Variants in RBM47 observed in about 807,000 individuals in gnomAD.
RBM47 encodes the protein RNA-binding protein 47.
A neutral mutation model predicts 47.1 loss-of-function variants in RBM47; 21 were observed. The ratio of observed to expected loss-of-function variants is 0.45; its 90% CI spans 0.32 to 0.64. The LOEUF (loss-of-function observed/expected upper bound fraction) is 0.64, where lower values mean the gene tolerates loss of function less well. Ranked by LOEUF, RBM47 falls within the 30% of genes least tolerant of loss-of-function variation. The probability of loss-of-function intolerance (pLI) is 0.05; values close to 1 mark genes in which losing one functional copy is unlikely to be tolerated. For missense variants in RBM47, 708 were observed against 870.9 expected, an observed-to-expected ratio of 0.81 and a Z score of 2.35; for synonymous variants, 375 against 361.7, an observed-to-expected ratio of 1.04 and a Z score of -0.42.
chr4:40,508,726 T>C (rs1460992738), intron 2 of RBM47, among the ~76,000 whole-genome samples: 1 of 152,190 alleles, frequency 6.6e-6, no homozygotes, highest in Non-Finnish European at 1.5e-5. Flanking sequence ...ACGACGATAC[T>C]GAGATGCTGA....
intron 2 of RBM47, among the ~76,000 whole-genome samples, chr4:40,542,343 C>A (rs930533944): frequency 1.3e-5 from 2 of 152,122 alleles, no homozygotes; most frequent in African/African-American, 4.8e-5. Context: ...CCAACACTCT[C>A]TCCATACTGG....
chr4:40,488,488 C>T (rs1473922811), intron 2 of RBM47, among the ~76,000 whole-genome samples: 16 of 152,196 alleles, frequency 1.1e-4, no homozygotes, highest in Admixed American at 9.8e-4. Context: ...CTCATACCTT[C>T]ATTTGTTCTC....
At chr4:40,618,325 C>G (rs141810857) in intron 1 of RBM47, among the ~76,000 whole-genome samples, 76 of 152,214 alleles carry the variant, frequency 5.0e-4, no homozygotes, top group Non-Finnish European at 8.5e-4. Flanking sequence ...ACCCAGGAGG[C>G]TGAGGCAGGA....
At chr4:40,555,361 C>G (rs774121661) in intron 1 of RBM47, among the ~76,000 whole-genome samples, 4 of 152,204 alleles carry the variant, frequency 2.6e-5, no homozygotes, top group African/African-American at 4.8e-5. Context: ...GTCACCGCAC[C>G]CAGCCCCTGA....
At chr4:40,443,857 G>A (rs1714088126) in intron 3 of RBM47, among the ~76,000 whole-genome samples, 1 of 149,328 alleles carries the variant, frequency 6.7e-6, no homozygotes, top group Admixed American at 6.7e-5. Flanking sequence ...ATTATATGGT[G>A]TGCTACTCTA....
At chr4:40,593,739 C>T (rs1239725260) in intron 1 of RBM47, among the ~76,000 whole-genome samples, 2 of 152,080 alleles carry the variant, frequency 1.3e-5, no homozygotes, top group Non-Finnish European at 2.9e-5. Context: ...ACAAAATTAG[C>T]TGGGCGTGGT....
chr4:40,576,302 T>C (rs1732327514), intron 1 of RBM47, among the ~76,000 whole-genome samples: 1 of 150,590 alleles, frequency 6.6e-6, no homozygotes, highest in Admixed American at 6.6e-5. Flanking sequence ...CACAATCATA[T>C]TTATGCCTGA....
intron 2 of RBM47, among the ~76,000 whole-genome samples, chr4:40,492,883 C>T (rs1722076948): frequency 6.6e-6 from 1 of 152,116 alleles, no homozygotes; most frequent in Non-Finnish European, 1.5e-5. Flanking sequence ...AATTAGCCTC[C>T]CTTCCCAGCC....
intron 1 of RBM47, among the ~76,000 whole-genome samples, chr4:40,627,947 G>A (rs998945481): frequency 5.3e-5 from 8 of 152,084 alleles, no homozygotes; most frequent in Non-Finnish European, 8.8e-5. Flanking sequence ...TTCTGTAAAC[G>A]CAAAAACCAA....
At chr4:40,445,627 AATTGAGGT>A in intron 3 of RBM47, among the ~76,000 whole-genome samples, 1 of 152,328 alleles carries the variant, frequency 6.6e-6, no homozygotes, top group East Asian at 1.9e-4. Flanking sequence ...AATAGGTGAG[AATTGAGGT>A]ATTTGTACTC....
chr4:40,526,630 G>A (rs1192838296), intron 2 of RBM47, among the ~76,000 whole-genome samples: 1 of 151,920 alleles, frequency 6.6e-6, no homozygotes, highest in Non-Finnish European at 1.5e-5. Flanking sequence ...CTGGAGTACA[G>A]TGGTGCCATA....
chr4:40,453,327 G>A (rs1013892672), intron 3 of RBM47, among the ~76,000 whole-genome samples: 1 of 152,172 alleles, frequency 6.6e-6, no homozygotes, highest in Non-Finnish European at 1.5e-5. Flanking sequence ...CAGTGGCTTA[G>A]TAAAGTGCAC....
chr4:40,603,023 T>TA (rs1422113713), intron 1 of RBM47, among the ~76,000 whole-genome samples: 18 of 151,838 alleles, frequency 1.2e-4, no homozygotes, highest in Non-Finnish European at 1.9e-4. Flanking sequence ...ATCCCATCTT[T>TA]AAAAAAAAAT....
At chr4:40,436,075 G>C (rs548456993) in intron 5 of RBM47, among the ~76,000 whole-genome samples, 6 of 150,664 alleles carry the variant, frequency 4.0e-5, no homozygotes, top group African/African-American at 1.5e-4. Flanking sequence ...TGGAGGCTGA[G>C]ATAGGAGAAT....
At chr4:40,476,798 G>C (rs1719667500) in intron 2 of RBM47, among the ~76,000 whole-genome samples, 1 of 152,164 alleles carries the variant, frequency 6.6e-6, no homozygotes, top group Admixed American at 6.6e-5. Context: ...AGCACATCAA[G>C]AGAGGAAGGA....
chr4:40,600,642 A>AG (rs398107237), intron 1 of RBM47, among the ~76,000 whole-genome samples: 31 of 147,094 alleles, frequency 2.1e-4, no homozygotes, highest in Non-Finnish European at 3.9e-4. Flanking sequence ...TCAAAAAAAA[A>AG]GAAAAGCAAG....
At chr4:40,504,560 C>T (rs1386485167) in intron 2 of RBM47, among the ~76,000 whole-genome samples, 4 of 151,968 alleles carry the variant, frequency 2.6e-5, no homozygotes, top group Admixed American at 6.6e-5. Flanking sequence ...TCCAAAGTGC[C>T]GGGATTACAG....
At position 40,423,666 on chromosome 4, in the gene RBM47, TTCTTTCTTTCTTTCTTTC is replaced by T. The variant is rs1473973527; in HGVS notation, c.*2220_*2237del. 3.3e-5 allele frequency: 3 copies of T among 90,784 alleles called. No individual in the cohort carries two copies. The highest frequency in any genetic ancestry group is 1.7e-4 in the African/African-American group (3 of 17,294). 5.6% of individuals were successfully genotyped at this position (90,784 alleles called of 1,614,324 possible). On this transcript the variant is annotated 3_prime_UTR_variant, in exon 7 of 7. Coordinates refer to ENST00000295971, the MANE Select transcript of RBM47 (RefSeq NM_001098634.2). ...TCTTTCTTTCTTTTTCTTTCTTTCT[TTCTTTCTTTCTTTCTTTC>T]TTTCTTTCTTTCTTTCTTTCTTTCT...
intron 1 of RBM47, among the ~76,000 whole-genome samples, chr4:40,575,227 C>A (rs925070208): frequency 3.9e-5 from 6 of 152,072 alleles, no homozygotes; most frequent in African/African-American, 1.4e-4. Flanking sequence ...CTGTAATTCA[C>A]AAAGGGAATG....
Sources: gnomAD v4.1 joint callset for allele counts (sites outside exome capture counted in the v4.1 genomes callset) on GRCh38, gnomAD v4.1.1 for gene constraint, MANE v1.5 for transcripts, NCBI Gene and HGNC (gene_info 2026-07-23, HGNC 2026-07-21) for gene names.